RAI2: variants seen among roughly 807,000 people sequenced by gnomAD.
The protein encoded by RAI2 is retinoic acid induced 2, also known as retinoic acid-induced protein 2.
In RAI2, 5 loss-of-function variants were observed where a neutral mutation model predicts 15.3. The ratio of observed to expected loss-of-function variants is 0.33; its 90% CI spans 0.17 to 0.69. RAI2 has a LOEUF of 0.69. Among genes scored for constraint, RAI2 ranks in the 30% least tolerant of loss-of-function variants. The pLI is 0.69. For synonymous variants in RAI2, 191 were observed against 184.0 expected, an observed-to-expected ratio of 1.04 and a Z score of -0.31; for missense variants, 424 against 424.7, an observed-to-expected ratio of 1.00 and a Z score of 0.01.
intron 1 of RAI2, among the ~76,000 whole-genome samples, chrX:17,833,770 A>G (rs1449101038): frequency 8.9e-6 from 1 of 112,188 alleles, no homozygotes; most frequent in Non-Finnish European, 1.9e-5. Context: ...CAATTTAAAA[A>G]GTAAAACAAA....
In RAI2 at chrX:17,800,558, C is replaced by T. The variant is rs1484228732; in HGVS notation, c.1453G>A (p.Glu485Lys). The T allele has an allele frequency of 8.3e-7, 1 of 1,209,119 alleles. No individual in the cohort carries two copies. Among genetic ancestry groups the T allele is most frequent in the African/African-American group, 1.8e-5 (1 of 57,009 alleles). ...LQGYDINSQG[E>K]ESMGNAEPLR... is the part of the protein sequence containing the mutation. ...GGCTCTGCATTTCCCATGGACTCTT[C>T]CCCTTGGCTGTTGATGTCATAGCCC... Residue 485 changes from glutamate (E) to lysine (K), a missense_variant, in exon 2 of 2, where the codon GAA becomes AAA. Physicochemically the swap from Glu to Lys is moderately conservative, Grantham distance 56. Coordinates refer to ENST00000451717, the MANE Select transcript of RAI2 (RefSeq NM_021785.6).
At chrX:17,820,884 C>A (rs1308696745) in intron 1 of RAI2, among the ~76,000 whole-genome samples, 1 of 106,567 alleles carries the variant, frequency 9.4e-6, no homozygotes, top group Non-Finnish European at 1.9e-5. Flanking sequence ...AATCAGCATT[C>A]TTTTGTAAAA....
intron 1 of RAI2, among the ~76,000 whole-genome samples, chrX:17,818,069 C>T (rs897382278): frequency 9.0e-6 from 1 of 111,707 alleles, no homozygotes; most frequent in Non-Finnish European, 1.9e-5. Context: ...TGCAAAGGGC[C>T]CATCCAAGTA....
intron 1 of RAI2, among the ~76,000 whole-genome samples, chrX:17,853,920 T>C (rs1380423095): frequency 9.0e-6 from 1 of 111,217 alleles, no homozygotes; most frequent in Non-Finnish European, 1.9e-5. Context: ...TTATGTTCCA[T>C]ACAAAACCAA....
At chrX:17,851,544 T>G (rs1013306682) in intron 1 of RAI2, among the ~76,000 whole-genome samples, 16 of 112,355 alleles carry the variant, frequency 1.4e-4, no homozygotes, top group African/African-American at 5.2e-4. Context: ...ACATTTTTCT[T>G]GTTTATAAAA....
chrX:17,821,554 TTG>T (rs1228969218), intron 1 of RAI2, among the ~76,000 whole-genome samples: 3 of 106,353 alleles, frequency 2.8e-5, no homozygotes, highest in Non-Finnish European at 5.9e-5. Flanking sequence ...GTGTGTGTGT[TTG>T]TGTGTGTGTG....
chrX:17,808,792 T>C (rs1193176244), intron 1 of RAI2, among the ~76,000 whole-genome samples: 1 of 111,996 alleles, frequency 8.9e-6, no homozygotes, highest in Non-Finnish European at 1.9e-5. Flanking sequence ...TTCCATTCAG[T>C]ACTTAAACCA....
chrX:17,803,682 G>A (rs373027078), intron 1 of RAI2, among the ~76,000 whole-genome samples: 1 of 112,320 alleles, frequency 8.9e-6, no homozygotes, highest in Non-Finnish European at 1.9e-5. Flanking sequence ...GGAGGAGAAG[G>A]GGGGAGGGAA....
chrX:17,838,438 TCTAA>T (rs2067359810), intron 1 of RAI2, among the ~76,000 whole-genome samples: 1 of 111,796 alleles, frequency 8.9e-6, no homozygotes, highest in South Asian at 3.8e-4. Flanking sequence ...TCTGTCTTTC[TCTAA>T]CTGTGACCAG....
chrX:17,849,042 G>C (rs751910257), intron 1 of RAI2, among the ~76,000 whole-genome samples: 40 of 112,695 alleles, frequency 3.5e-4, no homozygotes, highest in African/African-American at 1.3e-3. Flanking sequence ...CTTCAGGACA[G>C]CAGTGGGAAG....
chrX:17,813,903 C>T (rs2067076745), intron 1 of RAI2, among the ~76,000 whole-genome samples: 1 of 111,600 alleles, frequency 9.0e-6, no homozygotes, highest in South Asian at 3.8e-4. Context: ...AACTTCATGA[C>T]CATCACCTAT....
intron 1 of RAI2, among the ~76,000 whole-genome samples, chrX:17,831,141 T>C (rs1034085906): frequency 5.4e-5 from 6 of 112,056 alleles, no homozygotes; most frequent in African/African-American, 9.7e-5. Flanking sequence ...GTGTCTCTGA[T>C]ACTGGAATAA....
intron 1 of RAI2, among the ~76,000 whole-genome samples, chrX:17,847,111 T>A (rs917762287): frequency 3.1e-4 from 35 of 111,827 alleles, no homozygotes; most frequent in Non-Finnish European, 3.0e-4. Flanking sequence ...CTCTTTCCTT[T>A]ATAAATTACC....
chrX:17,827,775 T>C (rs1286511534), intron 1 of RAI2, among the ~76,000 whole-genome samples: 2 of 112,036 alleles, frequency 1.8e-5, no homozygotes, highest in Non-Finnish European at 3.8e-5. Context: ...ATTTACCCTT[T>C]AAGAGATCGC....
In RAI2 at chrX:17,841,199, A is replaced by G. The variant is rs1489036346; in HGVS notation, c.-25+19899T>C. Among the ~76,000 whole-genome samples, 4 of 111,362 alleles carry G rather than the reference A, an allele frequency of 3.6e-5. No individual in the cohort carries two copies. The Admixed American group carries it at 3.8e-4, about 11-fold the overall frequency. Reference sequence around the variant, plus strand: ...TCCTGCCACCGTCTGAGATACTACTAAAAAACAATGCCAGCCCCAAGCTCT... The same window carrying G: ...TCCTGCCACCGTCTGAGATACTACTGAAAAACAATGCCAGCCCCAAGCTCT... On this transcript the variant is annotated intron_variant, in intron 1 of 1. Coordinates refer to ENST00000451717, the MANE Select transcript of RAI2 (RefSeq NM_021785.6).
rs921721100 is a variant in RAI2, at chrX:17,857,370, C to A, written c.-25+3728G>T. ...AGACTACCACCTGGTTGGAAGGGGG[C>A]TACGGGGCTTGCTTTAACGATACAT... On this transcript the variant is annotated intron_variant, in intron 1 of 1. Transcript: ENST00000451717. Among the ~76,000 whole-genome samples the A allele has an allele frequency of 1.4e-4, 16 of 111,819 alleles. 1 individual carries two copies. Among genetic ancestry groups the A allele is most frequent in the Admixed American group, 1.3e-3 (14 of 10,623 alleles).
chrX:17,800,895 G>C lies in RAI2; in HGVS notation c.1116C>G (p.His372Gln). The change falls in exon 2 of 2, where the codon CAC becomes CAG. Residue 372 changes from histidine to glutamine, a missense_variant. Coordinates refer to ENST00000451717, the MANE Select transcript of RAI2 (RefSeq NM_021785.6). ...CACTGGGAAGTTTCTCCATCACTGT[G>C]TGACCTGAGCTGTCCACTGATGCAC... ...DSGASVDSSG[H>Q]TVMEKLPSGM... The C allele has an allele frequency of 8.3e-7, 1 of 1,211,467 alleles. No individual in the cohort carries two copies. Among genetic ancestry groups the C allele is most frequent in the Non-Finnish European group, 1.1e-6 (1 of 895,431 alleles).
intron 1 of RAI2, among the ~76,000 whole-genome samples, chrX:17,835,499 C>G (rs1016499586): frequency 8.9e-6 from 1 of 111,931 alleles, no homozygotes; most frequent in Admixed American, 9.4e-5. Context: ...CCCAGCCCTT[C>G]CTGCACCAGC....
At position 17,801,272 on chromosome X, in the gene RAI2, G is replaced by C. The variant is rs2066905426; in HGVS notation, c.739C>G (p.Pro247Ala). The change falls in exon 2 of 2, where the codon CCC becomes GCC. Residue 247 changes from proline to alanine, a missense_variant. Transcript: ENST00000451717. ...IVPLPVPVPI[P>A]IPIPMPQSSE... is the part of the protein sequence containing the mutation. ...CTCTGAGGCATCGGGATGGGGATGG[G>C]AATAGGGACTGGCACAGGCAAGGGG... The C allele has an allele frequency of 5.8e-6, 7 of 1,199,061 alleles. No individual in the cohort carries two copies. Among genetic ancestry groups the C allele is most frequent in the Non-Finnish European group, 6.8e-6 (6 of 887,884 alleles).
Sources: gnomAD v4.1 joint callset for allele counts (sites outside exome capture counted in the v4.1 genomes callset) on GRCh38, gnomAD v4.1.1 for gene constraint, MANE v1.5 for transcripts, NCBI Gene and HGNC (gene_info 2026-07-23, HGNC 2026-07-21) for gene names.